NMU: variants seen among roughly 807,000 people sequenced by gnomAD.
NMU encodes neuromedin U, also known as neuromedin-U.
Under a neutral mutation model 35.4 loss-of-function variants are expected in NMU, and 29 were observed. The observed-to-expected ratio is 0.82, with a 90% CI of 0.61 to 1.12. The LOEUF (loss-of-function observed/expected upper bound fraction) is 1.12, where lower values mean the gene tolerates loss of function less well. Ranked by LOEUF, NMU falls within the 50% of genes most tolerant of loss-of-function variation. The pLI, the probability that NMU is intolerant of heterozygous loss-of-function variation, is 0.00. For synonymous variants in NMU, 78 were observed against 81.3 expected (o/e 0.96, Z 0.22); for missense variants, 199 against 206.2 (o/e 0.97, Z 0.21).
intron 2 of NMU, among the ~76,000 whole-genome samples, chr4:55,628,441 A>G (rs556484653): frequency 1.3e-5 from 2 of 151,980 alleles, no homozygotes; most frequent in South Asian, 4.2e-4. Context: ...TGGTTTTGTT[A>G]AAACTGTTGC....
chr4:55,630,650 A>G (rs1306494171), intron 1 of NMU, among the ~76,000 whole-genome samples, 190 bp from the exon 2 acceptor site: 1 of 152,208 alleles, frequency 6.6e-6, no homozygotes, highest in Admixed American at 6.5e-5. Context: ...TAACATTACG[A>G]AGATATTACT....
intron 2 of NMU, among the ~76,000 whole-genome samples, chr4:55,618,629 CTT>C (rs1317933730): frequency 2.7e-5 from 4 of 150,186 alleles, no homozygotes; most frequent in African/African-American, 4.9e-5. Flanking sequence ...CCTCTTTCTT[CTT>C]TCTTTTCTTC....
intron 6 of NMU, 92 bp from the exon 7 acceptor site, chr4:55,605,441 C>A (rs1733641854): frequency 8.8e-6 from 8 of 909,992 alleles, no homozygotes. Flanking sequence ...TTTTTACCCA[C>A]TAAACTTGTC....
chr4:55,609,224 G>A lies in NMU; in HGVS notation c.220-45C>T, dbSNP rs767854460. 1.2e-5 allele frequency: 17 copies of A among 1,453,274 alleles called. No homozygotes were observed. In the East Asian group the frequency reaches 3.4e-4, roughly 29 times the overall value. 90.0% of individuals were successfully genotyped at this position (1,453,274 alleles called of 1,614,324 possible). On this transcript the variant is annotated intron_variant, in intron 3 of 9. Transcript: ENST00000264218. ...ATGTAAGTTATGCTTCTGCTTTAAC[G>A]ACATTTACATAGAAGAGGTAACTAC...
At chr4:55,616,268 G>T in intron 3 of NMU, 70 bp downstream of exon 3, 1 of 1,060,626 alleles carries the variant, frequency 9.4e-7, no homozygotes, top group Non-Finnish European at 1.5e-6. Context: ...AGGTTCCAAA[G>T]GCAGCAATGG....
At chr4:55,629,941 T>C (rs1309112408) in intron 2 of NMU, among the ~76,000 whole-genome samples, 1 of 152,158 alleles carries the variant, frequency 6.6e-6, no homozygotes, top group Non-Finnish European at 1.5e-5. Context: ...TATAAGATCC[T>C]TATTTGTCTG....
At chr4:55,607,392 T>G in intron 5 of NMU, 44 bp from the exon 6 acceptor site, 1 of 1,353,238 alleles carries the variant, frequency 7.4e-7, no homozygotes, top group South Asian at 1.2e-5. Flanking sequence ...AATTAATGGT[T>G]CCCTTATTAT....
intron 7 of NMU, among the ~76,000 whole-genome samples, chr4:55,602,035 CATATTATATTAAAGAGAAAAAACT>C (rs1174130555): frequency 6.6e-6 from 1 of 151,820 alleles, no homozygotes; most frequent in East Asian, 1.9e-4. Flanking sequence ...AATTCAAATG[CATATTATATTAAAGAGAAAAAACT>C]AAAAGGCCAG....
intron 4 of NMU, 81 bp downstream of exon 4, chr4:55,609,039 G>T: frequency 9.0e-7 from 1 of 1,116,364 alleles, no homozygotes; most frequent in Non-Finnish European, 1.4e-6. Flanking sequence ...TTCCTAAATT[G>T]GGCATATTTT....
At chr4:55,599,046 G>A (rs2110179774) in intron 9 of NMU, 96 bp downstream of exon 9, 1 of 781,402 alleles carries the variant, frequency 1.3e-6, no homozygotes, top group Middle Eastern at 3.5e-4. Context: ...AGTTTAATTT[G>A]TGACTATTTG....
At position 55,600,570 on chromosome 4, in the gene NMU, T is replaced by C; in HGVS notation, c.441A>G (p.Glu147=). Residue 147 remains glutamate (E), a synonymous_variant, in exon 8 of 10, where the codon GAA becomes GAG. Transcript: ENST00000264218. Reference sequence around the variant, plus strand: ...TTTGACTTGCAAAGGGACTTTGGAATTCTTCCTAGAAGAGAAAATGAGGGC... The same window carrying C: ...TTTGACTTGCAAAGGGACTTTGGAACTCTTCCTAGAAGAGAAAATGAGGGC... ...RRMKRFRVDE[E]FQSPFASQSR... 3 of 1,608,508 alleles carry C rather than the reference T, an allele frequency of 1.9e-6. No individual in the cohort carries two copies. The highest frequency in any genetic ancestry group is 2.6e-6 in the Non-Finnish European group (3 of 1,175,184).
chr4:55,616,255 T>A (rs1734105430), intron 3 of NMU, 83 bp downstream of exon 3: 2 of 939,980 alleles, frequency 2.1e-6, no homozygotes, highest in Middle Eastern at 2.1e-4. Flanking sequence ...CACGAACACA[T>A]AAAGGTTCCA....
chr4:55,636,262 G>A lies in NMU; in HGVS notation c.-70C>T. 2 of 1,406,432 alleles carry A rather than the reference G, an allele frequency of 1.4e-6. No homozygotes were observed. The highest frequency in any genetic ancestry group is 1.8e-6 in the Non-Finnish European group (2 of 1,090,552). The allele number at this position is 1,406,432 out of a possible 1,614,324, so 87.1% of individuals were successfully genotyped here. On this transcript the variant is annotated 5_prime_UTR_variant, in exon 1 of 10. Transcript: ENST00000264218. This position sits in a 1 kb window ranked among gnomAD's most constrained non-coding sequence, Gnocchi z 4.0. ...CCACGCGTAGCTGGTGCTCCACCTG[G>A]TGCCCTGGCTGTGCCTCGGGGCCCG...
intron 2 of NMU, among the ~76,000 whole-genome samples, chr4:55,619,212 G>A (rs1300124546): frequency 6.6e-6 from 1 of 151,224 alleles, no homozygotes; most frequent in Non-Finnish European, 1.5e-5. Flanking sequence ...CAGCGTGAGC[G>A]ACGCAGAAGA....
intron 2 of NMU, among the ~76,000 whole-genome samples, chr4:55,626,751 C>G (rs1734547415): frequency 6.6e-6 from 1 of 152,116 alleles, no homozygotes; most frequent in Non-Finnish European, 1.5e-5. Flanking sequence ...AACAAAGGCC[C>G]TTACCTTTTT....
chr4:55,616,844 A>G (rs1008634470), intron 2 of NMU, among the ~76,000 whole-genome samples: 1 of 152,228 alleles, frequency 6.6e-6, no homozygotes, highest in African/African-American at 2.4e-5. Context: ...TTCATACAAC[A>G]TAGGCAATCC....
intron 1 of NMU, among the ~76,000 whole-genome samples, chr4:55,632,525 C>T (rs1443458585): frequency 6.6e-6 from 1 of 152,126 alleles, no homozygotes; most frequent in Non-Finnish European, 1.5e-5. Context: ...AACAATCTTA[C>T]ACACTTCTCA....
chr4:55,636,357 G>T, upstream of NMU: 1 of 1,081,874 alleles, frequency 9.2e-7, no homozygotes, highest in Non-Finnish European at 1.2e-6. This position sits in a 1 kb window ranked among gnomAD's most constrained non-coding sequence, Gnocchi z 4.0. Flanking sequence ...GGGCTGCGCG[G>T]TCCCCGCCGC....
intron 8 of NMU, among the ~76,000 whole-genome samples, chr4:55,600,111 T>C (rs1733362623): frequency 6.6e-6 from 1 of 152,194 alleles, no homozygotes; most frequent in Non-Finnish European, 1.5e-5. Flanking sequence ...TACTTATACC[T>C]TTTATTATGG....
Sources: allele counts gnomAD v4.1 joint callset (sites outside exome capture counted in the v4.1 genomes callset), GRCh38; gene constraint gnomAD v4.1.1; non-coding constraint Gnocchi (gnomAD v3.1); transcripts MANE v1.5; gene names NCBI Gene and HGNC (gene_info 2026-07-23, HGNC 2026-07-21).